The following TEX9 variants were observed in gnomAD, a reference collection of about 807,000 sequenced individuals.
The protein encoded by TEX9 is testis expressed 9.
In TEX9, 74 loss-of-function variants were observed where a neutral mutation model predicts 59.6. That is an observed-to-expected ratio of 1.24 (90% CI 1.03 to 1.51). TEX9 has a LOEUF of 1.51. Among genes scored for constraint, TEX9 ranks in the 40% most tolerant of loss-of-function variants. TEX9 has a pLI of 0.00. For missense variants in TEX9, 522 were observed against 447.8 expected, an observed-to-expected ratio of 1.17 and a Z score of -1.49; for synonymous variants, 186 against 152.2, an observed-to-expected ratio of 1.22 and a Z score of -1.64.
chr15:56,380,543 A>G (rs2047679242), intron 3 of TEX9, among the ~76,000 whole-genome samples: 1 of 151,894 alleles, frequency 6.6e-6, no homozygotes, highest in Admixed American at 6.5e-5. Flanking sequence ...CTTGCTCATT[A>G]ACATCCTTTT....
At chr15:56,460,009 A>AAAAAAATATATATATAT in the TEX9 span, among the ~76,000 whole-genome samples, 6 of 26,388 alleles carry the variant, frequency 2.3e-4, 2 homozygotes, top group Non-Finnish European at 2.1e-4. Flanking sequence ...AAAAAAAAAA[A>AAAAAAATATATATATAT]ATACATATAT....
At chr15:56,460,009 A>AAAAAAATATATATATATATATATATAT in the TEX9 span, among the ~76,000 whole-genome samples, 25 of 26,364 alleles carry the variant, frequency 9.5e-4, 2 homozygotes, top group Admixed American at 1.7e-3. Context: ...AAAAAAAAAA[A>AAAAAAATATATATATATATATATATAT]ATACATATAT....
At chr15:56,277,873 C>T (rs540981936) in intron 1 of TEX9, among the ~76,000 whole-genome samples, 1 of 152,248 alleles carries the variant, frequency 6.6e-6, no homozygotes, top group East Asian at 1.9e-4. Flanking sequence ...GACATTCCTC[C>T]AATTTGTGGA....
intron 1 of TEX9, among the ~76,000 whole-genome samples, chr15:56,292,610 G>A (rs553185858): frequency 2.3e-4 from 35 of 152,294 alleles, no homozygotes; most frequent in African/African-American, 7.9e-4. Flanking sequence ...ATGAGTGGTA[G>A]AAGAGGGAGA....
At chr15:56,446,854 T>C (rs1316729954), downstream of TEX9, 2 of 1,607,370 alleles carry the variant, frequency 1.2e-6, no homozygotes, top group African/African-American at 2.7e-5. Flanking sequence ...TTGTTCATAT[T>C]TAATGGCATC....
At chr15:56,282,302 A>C (rs1312237539) in intron 1 of TEX9, among the ~76,000 whole-genome samples, 2 of 152,210 alleles carry the variant, frequency 1.3e-5, no homozygotes, top group Admixed American at 6.5e-5. Flanking sequence ...AATCAAAGTC[A>C]TTCCTAATAT....
At chr15:56,394,130 CAA>C in intron 7 of TEX9, 33 bp from the exon 8 acceptor site, 1 of 1,565,556 alleles carries the variant, frequency 6.4e-7, no homozygotes, top group African/African-American at 1.4e-5. Context: ...TTAGATTCAG[CAA>C]AAGACAGTAA....
intron 1 of TEX9, among the ~76,000 whole-genome samples, chr15:56,312,867 TG>T (rs1182492984): frequency 6.0e-4 from 69 of 114,944 alleles, no homozygotes; most frequent in Non-Finnish European, 1.1e-3. Flanking sequence ...TCACATCCCT[TG>T]TAAGTTGGAT....
At chr15:56,386,565 G>A (rs1440376417) in intron 4 of TEX9, among the ~76,000 whole-genome samples, 2 of 151,782 alleles carry the variant, frequency 1.3e-5, no homozygotes, top group East Asian at 3.9e-4. Flanking sequence ...TATTTTTTAA[G>A]TACATCAATT....
At chr15:56,446,203 A>T (rs1400723150), downstream of TEX9, among the ~76,000 whole-genome samples, 2 of 152,070 alleles carry the variant, frequency 1.3e-5, no homozygotes, top group East Asian at 3.9e-4. Context: ...GTGTATATAA[A>T]CATTCATATA....
chr15:56,389,426 C>CT (rs141431012), intron 6 of TEX9, 26 bp downstream of exon 6: 313 of 1,497,926 alleles, frequency 2.1e-4, no homozygotes, highest in Middle Eastern at 7.6e-4. Flanking sequence ...CAAAGTATTT[C>CT]TTTTTTTTTA....
intron 1 of TEX9, among the ~76,000 whole-genome samples, chr15:56,246,214 G>A (rs962781065): frequency 1.3e-5 from 2 of 152,202 alleles, no homozygotes; most frequent in Non-Finnish European, 2.9e-5. Context: ...AGCTGCAGCC[G>A]CGGGCTGCCC....
intron 1 of TEX9, among the ~76,000 whole-genome samples, chr15:56,306,362 A>G (rs557113383): frequency 1.3e-5 from 2 of 152,132 alleles, no homozygotes; most frequent in African/African-American, 2.4e-5. Flanking sequence ...GGAGAAACCT[A>G]AGTGTCCATC....
chr15:56,402,433 C>G (rs1321010407), intron 9 of TEX9, among the ~76,000 whole-genome samples: 2 of 152,078 alleles, frequency 1.3e-5, no homozygotes, highest in African/African-American at 4.8e-5. Context: ...CAAGACTAAA[C>G]CAGGAAGAAG....
At chr15:56,434,458 G>C in intron 12 of TEX9, 7 of 1,469,434 alleles carry the variant, frequency 4.8e-6, no homozygotes, top group Non-Finnish European at 6.4e-6. Flanking sequence ...TATAAGGAAA[G>C]AGTGATAGAG....
chr15:56,455,693 T>A, the TEX9 span, among the ~76,000 whole-genome samples: 1 of 152,202 alleles, frequency 6.6e-6, no homozygotes, highest in African/African-American at 2.4e-5. Flanking sequence ...TAGAATAGTG[T>A]CCTGTCATCT....
intron 9 of TEX9, among the ~76,000 whole-genome samples, chr15:56,403,555 C>T (rs2048910622): frequency 6.6e-6 from 1 of 152,202 alleles, no homozygotes; most frequent in Non-Finnish European, 1.5e-5. Context: ...GGGCATACTG[C>T]CCAAGGTAAT....
intron 12 of TEX9, among the ~76,000 whole-genome samples, chr15:56,441,888 C>T (rs537536571): frequency 2.6e-5 from 4 of 151,926 alleles, no homozygotes; most frequent in South Asian, 2.1e-4. Flanking sequence ...GGCATGGTGG[C>T]GGGTGCCTGT....
At chr15:56,414,244 ATTTTGTTTT>A (rs1435738456) in intron 10 of TEX9, among the ~76,000 whole-genome samples, 3 of 122,892 alleles carry the variant, frequency 2.4e-5, no homozygotes, top group African/African-American at 9.1e-5. Context: ...ATTTTGTTTT[ATTTTGTTTT>A]AATTTTTTTT....
Sources: allele counts gnomAD v4.1 joint callset (sites outside exome capture counted in the v4.1 genomes callset), GRCh38; gene constraint gnomAD v4.1.1; transcripts MANE v1.5; gene names NCBI Gene and HGNC (gene_info 2026-07-23, HGNC 2026-07-21).